Variants in TSBP1 observed in about 807,000 individuals in gnomAD.
TSBP1 encodes testis-expressed basic protein 1.
Under a neutral mutation model 68.8 loss-of-function variants are expected in TSBP1, and 56 were observed. The observed-to-expected ratio is 0.81, with a 90% CI of 0.66 to 1.02. The LOEUF (loss-of-function observed/expected upper bound fraction) is 1.02, where lower values mean the gene tolerates loss of function less well. TSBP1 is among the 50% of genes least tolerant of loss of function. TSBP1 has a pLI of 0.00. For synonymous variants in TSBP1, 171 were observed against 208.7 expected, an observed-to-expected ratio of 0.82 and a Z score of 1.56; for missense variants, 502 against 641.2, an observed-to-expected ratio of 0.78 and a Z score of 2.34.
chr6:32,328,974 T>G (rs1313780674), intron 16 of TSBP1, among the ~76,000 whole-genome samples: 1 of 152,202 alleles, frequency 6.6e-6, no homozygotes, highest in Non-Finnish European at 1.5e-5. Context: ...GGGCTTTTAG[T>G]GTACCCATTA....
rs1765798315 is a variant in TSBP1, at chr6:32,306,543, C to T, written c.581-3914G>A. On this transcript the variant is annotated intron_variant, in intron 19 of 22. Coordinates refer to ENST00000612031, the Ensembl canonical transcript of TSBP1. This position sits in a 1 kb window ranked among gnomAD's most constrained non-coding sequence, Gnocchi z 5.1. Reference sequence around the variant, plus strand: ...TCATGTCTGGCTTTTCAGCTGCAAGCAGCCAAACCTGGGTTTGGTTACTTA... The same window carrying T: ...TCATGTCTGGCTTTTCAGCTGCAAGTAGCCAAACCTGGGTTTGGTTACTTA... 6.6e-6 allele frequency among the ~76,000 whole-genome samples: 1 copy of T among 152,180 alleles called. No individual in the cohort carries two copies. Among genetic ancestry groups the T allele is most frequent in the African/African-American group, 2.4e-5 (1 of 41,434 alleles).
At chr6:32,319,726 T>A (rs1217202997) in intron 18 of TSBP1, among the ~76,000 whole-genome samples, 2 of 152,072 alleles carry the variant, frequency 1.3e-5, no homozygotes, top group African/African-American at 4.8e-5. Flanking sequence ...TCTACATGAA[T>A]TTATCTGCCT....
Position 32,361,618 on chromosome 6 carries a change from T to G in TSBP1, c.217+4549A>C, listed in dbSNP as rs1773030582. Among the ~76,000 whole-genome samples, 1 of 152,202 alleles carries G rather than the reference T, an allele frequency of 6.6e-6. No individual in the cohort carries two copies. Among genetic ancestry groups the G allele is most frequent in the Non-Finnish European group, 1.5e-5 (1 of 68,030 alleles). The stretch of plus-strand genomic sequence containing the variant: ...ACTGTGGTTTTGATTTGCATTTCTC[T>G]GATGGCCAGTGATGATGAGTATTTT... On this transcript the variant is annotated intron_variant, in intron 6 of 22. Transcript: ENST00000612031. The surrounding 1 kb of genome is among the most constrained non-coding windows in gnomAD (Gnocchi z 4.3).
intron 8 of TSBP1, among the ~76,000 whole-genome samples, chr6:32,354,421 G>A (rs542210451): frequency 6.6e-6 from 1 of 152,152 alleles, no homozygotes; most frequent in Non-Finnish European, 1.5e-5. Context: ...CAAAATCTGG[G>A]ATTGTTACTA....
intron 18 of TSBP1, among the ~76,000 whole-genome samples, chr6:32,319,469 A>G (rs1323004116): frequency 2.0e-5 from 3 of 152,166 alleles, no homozygotes; most frequent in Non-Finnish European, 4.4e-5. Context: ...TCCCTGTTCA[A>G]GCCCTTCAGT....
chr6:32,364,004 TAA>T (rs1470493774), intron 6 of TSBP1, among the ~76,000 whole-genome samples: 1 of 152,140 alleles, frequency 6.6e-6, no homozygotes, highest in Non-Finnish European at 1.5e-5. Context: ...GCTTTACGGG[TAA>T]AGAGTTATTG....
Position 32,367,905 on chromosome 6 carries a change from G to A in TSBP1, c.166+20C>T, listed in dbSNP as rs1314808070. ...AGTATATTCCTTCATTAACTGTCTA[G>A]TAGTTCCTAATCTATTTACCTCTAC... On this transcript the variant is annotated intron_variant, in intron 4 of 22. Coordinates refer to ENST00000612031, the Ensembl canonical transcript of TSBP1. 2 of 1,580,918 alleles carry A rather than the reference G, an allele frequency of 1.3e-6. No homozygotes were observed.
intron 2 of TSBP1, 125 bp downstream of exon 2, chr6:32,369,772 A>T: frequency 2.6e-6 from 2 of 784,110 alleles, no homozygotes; most frequent in Non-Finnish European, 4.7e-6. Context: ...GTATTGAAAC[A>T]GATTCCCAGA....
In TSBP1 at chr6:32,316,334, C is replaced by T; in HGVS notation, c.560-542G>A. The T allele has an allele frequency of 7.4e-7, 1 of 1,359,478 alleles. No homozygotes were observed. Among genetic ancestry groups the T allele is most frequent in the Non-Finnish European group, 1.0e-6 (1 of 971,420 alleles). 84.2% of individuals were successfully genotyped at this position (1,359,478 alleles called of 1,614,324 possible). ...TAATGGGAACCACAAATCACTTTGA[C>T]AGAAGTGAAGTGAAGGGGACCAAAG... On this transcript the variant is annotated intron_variant, in intron 18 of 22. Transcript: ENST00000612031. The surrounding 1 kb of genome is among the most constrained non-coding windows in gnomAD (Gnocchi z 4.5).
intron 8 of TSBP1, among the ~76,000 whole-genome samples, chr6:32,350,899 G>C (rs1252998656): frequency 2.0e-5 from 3 of 152,104 alleles, no homozygotes; most frequent in Non-Finnish European, 2.9e-5. Context: ...TAGAAGAAGG[G>C]AGCCATGAAC....
rs117276561 is a variant in TSBP1, at chr6:32,312,959, A to G, written c.580+2813T>C. 3.3e-3 allele frequency among the ~76,000 whole-genome samples: 499 copies of G among 152,262 alleles called. 16 individuals are homozygous for G. The East Asian group carries it at 0.069, about 21-fold the overall frequency. Reference sequence around the variant, plus strand: ...AATAATAGAGTGATCTTTTAAAATTATAAAGTAGACCCTATCATTTCCCTG... The same window carrying G: ...AATAATAGAGTGATCTTTTAAAATTGTAAAGTAGACCCTATCATTTCCCTG... On this transcript the variant is annotated intron_variant, in intron 19 of 22. Coordinates refer to ENST00000612031, the Ensembl canonical transcript of TSBP1.
chr6:32,310,761 A>ATATATATATATATATATATAT lies in TSBP1; in HGVS notation c.580+5010_580+5011insATATATATATATATATATATA. On this transcript the variant is annotated intron_variant, in intron 19 of 22. Transcript: ENST00000612031. ...TATATATACATATATATATATATAT[A>ATATATATATATATATATATAT]TTTTTAATCTTTTTAGAAAGGATAG... is the stretch of plus-strand genomic sequence containing the variant. Among the ~76,000 whole-genome samples the ATATATATATATATATATATAT allele has an allele frequency of 1.2e-4, 17 of 144,798 alleles. 1 individual carries two copies. Among genetic ancestry groups the ATATATATATATATATATATAT allele is most frequent in the African/African-American group, 4.0e-4 (16 of 39,542 alleles). 95.0% of individuals were successfully genotyped at this position (144,798 alleles called of 152,430 possible).
intron 9 of TSBP1, among the ~76,000 whole-genome samples, chr6:32,342,570 G>A (rs1366646441): frequency 1.3e-5 from 2 of 152,200 alleles, no homozygotes; most frequent in Admixed American, 1.3e-4. Flanking sequence ...TAAATAGTAA[G>A]TAGGGAGCTG....
At chr6:32,330,719 G>A in intron 15 of TSBP1, 110 bp from the exon 17 acceptor site, 2 of 1,324,650 alleles carry the variant, frequency 1.5e-6, no homozygotes, top group Non-Finnish European at 2.0e-6. Flanking sequence ...CGCCCAGGCT[G>A]GAGTGTGGTA....
chr6:32,323,154 A>G lies in TSBP1; in HGVS notation c.539-17T>C. On this transcript the variant is annotated splice_polypyrimidine_tract_variant and intron_variant, in intron 17 of 22. Coordinates refer to ENST00000612031, the Ensembl canonical transcript of TSBP1. ...TGGGTGGACCTAAAAACCAAAGTAG[A>G]TATTGGTGAAGATTTCTTTGAAAGA... The G allele has an allele frequency of 1.3e-6, 2 of 1,513,988 alleles. No individual in the cohort carries two copies. The highest frequency in any genetic ancestry group is 1.8e-6 in the Non-Finnish European group (2 of 1,093,832). 93.8% of individuals were successfully genotyped at this position (1,513,988 alleles called of 1,614,324 possible). A position where few individuals can be genotyped will look rare whatever the true frequency, so the allele number is the denominator to read the frequency against.
intron 9 of TSBP1, among the ~76,000 whole-genome samples, chr6:32,344,845 C>T (rs181397799): frequency 1.1e-3 from 165 of 148,706 alleles, no homozygotes; most frequent in Middle Eastern, 3.5e-3. Flanking sequence ...ACTTGGAAGA[C>T]CTTAGGTTTT....
At chr6:32,322,425 T>C in intron 18 of TSBP1, 61 bp downstream of exon 20, 2 of 1,238,936 alleles carry the variant, frequency 1.6e-6, no homozygotes, top group Non-Finnish European at 2.3e-6. Context: ...CACTTAGAAA[T>C]AGAAACAACT....
At chr6:32,366,389 C>T (rs1583187567) in intron 4 of TSBP1, 87 bp from the exon 5 acceptor site, 1 of 1,224,844 alleles carries the variant, frequency 8.2e-7, no homozygotes, top group Non-Finnish European at 1.2e-6. Context: ...CTGTTTACCT[C>T]TTCCTCTTTT....
Position 32,335,481 on chromosome 6 carries a change from T to A in TSBP1, c.452-24A>T, listed in dbSNP as rs1769543932. 5 of 1,410,140 alleles carry A rather than the reference T, an allele frequency of 3.5e-6. No homozygotes were observed. Among genetic ancestry groups the A allele is most frequent in the Admixed American group, 2.5e-5 (1 of 40,152 alleles). The allele number at this position is 1,410,140 out of a possible 1,614,324, so 87.4% of individuals were successfully genotyped here. On this transcript the variant is annotated intron_variant, in intron 13 of 22. Transcript: ENST00000612031. This position sits in a 1 kb window ranked among gnomAD's most constrained non-coding sequence, Gnocchi z 5.5. ...CTCTAAAAAAAAAAGAGAAAAGAAATCAGTAGCTATATATATATTTTATAT... is the reference window on the plus strand; with the variant it reads ...CTCTAAAAAAAAAAGAGAAAAGAAAACAGTAGCTATATATATATTTTATAT...
Sources: gnomAD v4.1 joint callset for allele counts (sites outside exome capture counted in the v4.1 genomes callset) on GRCh38, gnomAD v4.1.1 for gene constraint, Gnocchi (gnomAD v3.1) non-coding constraint, MANE v1.5 for transcripts, NCBI Gene and HGNC (gene_info 2026-07-23, HGNC 2026-07-21) for gene names.